The following DOCK2 variants were observed in gnomAD, a reference collection of about 807,000 sequenced individuals.
DOCK2 encodes dedicator of cytokinesis 2, also known as dedicator of cytokinesis protein 2.
Under a neutral mutation model 248.9 loss-of-function variants are expected in DOCK2, and 87 were observed. The ratio of observed to expected loss-of-function variants is 0.35; its 90% CI spans 0.29 to 0.42. DOCK2 has a LOEUF of 0.42. Ranked by LOEUF, DOCK2 falls within the 10% of genes least tolerant of loss-of-function variation. The pLI is 1.00. For synonymous variants in DOCK2, 805 were observed against 821.6 expected (o/e 0.98, Z 0.35); for missense variants, 1,747 against 2,300.2 (o/e 0.76, Z 4.92).
chr5:170,081,765 TC>T, intron 50 of DOCK2, 76 bp from the exon 51 acceptor site: 3 of 520,868 alleles, frequency 5.8e-6, no homozygotes, highest in East Asian at 5.0e-5. Context: ...CCCCCAGCCC[TC>T]CCCCTGTCTA....
chr5:169,992,541 T>G (rs760214883), intron 29 of DOCK2, among the ~76,000 whole-genome samples: 1 of 151,850 alleles, frequency 6.6e-6, no homozygotes, highest in Non-Finnish European at 1.5e-5. Flanking sequence ...CTCGGCTCAC[T>G]GCAACCTCCA....
Position 170,031,071 on chromosome 5 carries a change from C to A in DOCK2, c.3467+3123C>A, listed in dbSNP as rs546054313. ...CCCTCAGAGCTCTCTTTGGAGCCCA[C>A]GCTCATTGATCCACGTATATCTGAA... On this transcript the variant is annotated intron_variant, in intron 34 of 51. Coordinates refer to ENST00000520908, the MANE Select transcript of DOCK2 (RefSeq NM_004946.3). Among the ~76,000 whole-genome samples the A allele has an allele frequency of 4.6e-5, 7 of 152,248 alleles. No individual in the cohort carries two copies. The East Asian group carries it at 1.3e-3, about 29-fold the overall frequency.
rs1013135678 is a variant in DOCK2, at chr5:169,812,997, G to A, written c.2703+9791G>A. ...CTGCTGCTGGAGGCAGGCCTTCCCTGCAGGGCATCTGGACCTCATAGGAAT... is the reference window on the plus strand; with the variant it reads ...CTGCTGCTGGAGGCAGGCCTTCCCTACAGGGCATCTGGACCTCATAGGAAT... On this transcript the variant is annotated intron_variant, in intron 26 of 51. Coordinates refer to ENST00000520908, the MANE Select transcript of DOCK2 (RefSeq NM_004946.3). Among the ~76,000 whole-genome samples the A allele has an allele frequency of 2.2e-4, 34 of 152,228 alleles. 1 individual carries two copies. The highest frequency in any genetic ancestry group is 7.5e-4 in the African/African-American group (31 of 41,458).
intron 2 of DOCK2, among the ~76,000 whole-genome samples, chr5:169,664,941 A>G (rs937619584): frequency 1.3e-5 from 2 of 150,990 alleles, no homozygotes; most frequent in South Asian, 2.1e-4. Flanking sequence ...TATAAATATC[A>G]GCATATCTAT....
At chr5:169,847,090 A>G (rs899774091) in intron 27 of DOCK2, among the ~76,000 whole-genome samples, 4 of 152,154 alleles carry the variant, frequency 2.6e-5, no homozygotes, top group African/African-American at 4.8e-5. Flanking sequence ...TTATCTACTC[A>G]TTAGCTGATG....
At chr5:169,703,427 C>G (rs1248124615) in intron 14 of DOCK2, among the ~76,000 whole-genome samples, 1 of 152,210 alleles carries the variant, frequency 6.6e-6, no homozygotes, top group African/African-American at 2.4e-5. Flanking sequence ...GTGTCACTTA[C>G]AGTAACTCGC....
At chr5:169,717,234 A>C in intron 20 of DOCK2, 150 bp from the exon 21 acceptor site, 1 of 614,682 alleles carries the variant, frequency 1.6e-6, no homozygotes, top group South Asian at 1.9e-5. Flanking sequence ...TTTCTTTGGG[A>C]AGATGCTACC....
intron 26 of DOCK2, among the ~76,000 whole-genome samples, chr5:169,808,435 G>A (rs1287627229): frequency 7.1e-6 from 1 of 141,318 alleles, no homozygotes; most frequent in Non-Finnish European, 1.5e-5. Context: ...TAGGACTCAG[G>A]GGGAGATGTC....
At chr5:169,934,669 G>T (rs1475267257) in intron 27 of DOCK2, 3 of 456,218 alleles carry the variant, frequency 6.6e-6, no homozygotes, top group South Asian at 4.6e-5. Flanking sequence ...CTGATGATAG[G>T]ACTGAACCGA....
intron 25 of DOCK2, among the ~76,000 whole-genome samples, chr5:169,778,163 C>T (rs1383345206): frequency 1.3e-5 from 2 of 152,202 alleles, no homozygotes; most frequent in Non-Finnish European, 2.9e-5. Context: ...TTCTTACTAA[C>T]ACACAGAGGT....
chr5:170,042,204 T>A, intron 38 of DOCK2, 72 bp downstream of exon 38: 1 of 1,481,042 alleles, frequency 6.8e-7, no homozygotes, highest in Non-Finnish European at 9.1e-7. Flanking sequence ...ATACCTTACA[T>A]CCAATCCATC....
At chr5:169,942,768 C>G (rs1776292615) in intron 27 of DOCK2, among the ~76,000 whole-genome samples, 1 of 152,198 alleles carries the variant, frequency 6.6e-6, no homozygotes, top group Non-Finnish European at 1.5e-5. Flanking sequence ...AGATCACCAA[C>G]TAGCCTGCTC....
chr5:169,814,966 G>C (rs1167419565), intron 26 of DOCK2, among the ~76,000 whole-genome samples: 1 of 152,156 alleles, frequency 6.6e-6, no homozygotes, highest in Non-Finnish European at 1.5e-5. Context: ...CCTACCAAAT[G>C]AATAATTAGG....
chr5:169,883,026 G>A (rs1401946727), intron 27 of DOCK2: 1 of 1,551,678 alleles, frequency 6.4e-7, no homozygotes, highest in East Asian at 2.4e-5. Flanking sequence ...ATGACAGTGA[G>A]CCAAGGTCTT....
At chr5:170,034,282 G>A in intron 34 of DOCK2, 117 bp from the exon 35 acceptor site, 2 of 1,287,406 alleles carry the variant, frequency 1.6e-6, no homozygotes, top group Non-Finnish European at 1.1e-6. Context: ...AAAAGGAGCA[G>A]TCAGGGAACT....
chr5:169,752,321 C>T (rs779185738), intron 23 of DOCK2, among the ~76,000 whole-genome samples: 14 of 152,152 alleles, frequency 9.2e-5, no homozygotes, highest in Non-Finnish European at 1.9e-4. Context: ...GTGAATGCCA[C>T]TTATGCTAAT....
chr5:169,824,292 C>CA (rs552143730), intron 26 of DOCK2, among the ~76,000 whole-genome samples: 3 of 152,062 alleles, frequency 2.0e-5, no homozygotes, highest in African/African-American at 7.2e-5. Context: ...CATGTGGAAA[C>CA]AAAAAAGAGC....
At chr5:169,878,836 G>T (rs1330185186) in intron 27 of DOCK2, among the ~76,000 whole-genome samples, 1 of 152,194 alleles carries the variant, frequency 6.6e-6, no homozygotes, top group Non-Finnish European at 1.5e-5. Flanking sequence ...CTCACTTCCT[G>T]TGGAGTCTAC....
At chr5:169,920,113 T>C (rs140344844) in intron 27 of DOCK2, among the ~76,000 whole-genome samples, 323 of 152,206 alleles carry the variant, frequency 2.1e-3, no homozygotes, top group Admixed American at 5.9e-3. Context: ...CACCAAGAGA[T>C]TGGCTTTTTG....
Sources: gnomAD v4.1 joint callset for allele counts (sites outside exome capture counted in the v4.1 genomes callset) on GRCh38, gnomAD v4.1.1 for gene constraint, MANE v1.5 for transcripts, NCBI Gene and HGNC (gene_info 2026-07-23, HGNC 2026-07-21) for gene names.